Variants in MACF1 observed in about 807,000 individuals in gnomAD.
The protein encoded by MACF1 is microtubule-actin cross-linking factor 1.
Under a neutral mutation model 854.8 loss-of-function variants are expected in MACF1, and 193 were observed. The observed-to-expected ratio is 0.23, with a 90% CI of 0.20 to 0.25. MACF1 has a LOEUF of 0.25. Among genes scored for constraint, MACF1 ranks in the 10% least tolerant of loss-of-function variants. The probability of loss-of-function intolerance (pLI) is 1.00; values close to 1 mark genes in which losing one functional copy is unlikely to be tolerated. For synonymous variants in MACF1, 3,185 were observed against 3,226.7 expected, an observed-to-expected ratio of 0.99 and a Z score of 0.44; for missense variants, 7,722 against 8,929.1, an observed-to-expected ratio of 0.86 and a Z score of 5.45.
chr1:39,310,232 T>C lies in MACF1; in HGVS notation c.2917-13T>C. The C allele has an allele frequency of 1.3e-6, 2 of 1,592,096 alleles. No individual in the cohort carries two copies. The highest frequency in any genetic ancestry group is 1.7e-6 in the Non-Finnish European group (2 of 1,171,200). On this transcript the variant is annotated splice_polypyrimidine_tract_variant and intron_variant, in intron 24 of 100. Coordinates refer to ENST00000564288, the MANE Select transcript of MACF1 (RefSeq NM_001394062.1). ...TTATTCTGTTGCAATTTCTTCTGGC[T>C]TTTTCTTTCTAGCTTCGATCCTCAG...
intron 58 of MACF1, among the ~76,000 whole-genome samples, chr1:39,404,110 G>A (rs910726047): frequency 1.9e-4 from 29 of 151,496 alleles, no homozygotes; most frequent in African/African-American, 7.0e-4. Flanking sequence ...CCTGGCAACA[G>A]AGTGAGACTC....
Position 39,385,674 on chromosome 1 carries a change from G to A in MACF1, c.14089G>A (p.Glu4697Lys). ...QYQELLQDLS[E>K]KVRAVGQRLS... Reference sequence around the variant, plus strand: ...CCAGGAACTGCTCCAGGACTTATCAGAGAAGGTGAGGGCAGTTGGACAACG... The same window carrying A: ...CCAGGAACTGCTCCAGGACTTATCAAAGAAGGTGAGGGCAGTTGGACAACG... Residue 4697 changes from glutamate (E) to lysine (K), a missense_variant, in exon 57 of 101, where the codon GAG becomes AAG. Around this residue, in one of 15 missense-constraint regions of MACF1, gnomAD observed 2,807 missense variants for 3,235.8 expected, o/e 0.87. Coordinates refer to ENST00000564288, the MANE Select transcript of MACF1 (RefSeq NM_001394062.1). 6.2e-7 allele frequency: 1 copy of A among 1,614,194 alleles called. No homozygotes were observed. The highest frequency in any genetic ancestry group is 1.3e-5 in the African/African-American group (1 of 75,050).
chr1:39,369,137 C>T (rs2148533907), intron 50 of MACF1, among the ~76,000 whole-genome samples: 1 of 151,904 alleles, frequency 6.6e-6, no homozygotes, highest in South Asian at 2.1e-4. Context: ...TATGCCCAGA[C>T]CCCCTGCTTG....
chr1:39,178,192 T>TTC (rs1553157168), intron 2 of MACF1, among the ~76,000 whole-genome samples: 1 of 151,460 alleles, frequency 6.6e-6, no homozygotes, highest in African/African-American at 2.4e-5. Flanking sequence ...TTTTTTTTTT[T>TTC]TTTTTGGTTA....
At chr1:39,398,707 G>A (rs897001672) in intron 58 of MACF1, among the ~76,000 whole-genome samples, 3 of 152,208 alleles carry the variant, frequency 2.0e-5, no homozygotes, top group African/African-American at 4.8e-5. Flanking sequence ...TGTTGCTTCC[G>A]GGAGTGACTT....
chr1:39,441,745 A>G (rs1330344799), intron 74 of MACF1, among the ~76,000 whole-genome samples: 1 of 152,186 alleles, frequency 6.6e-6, no homozygotes, highest in Non-Finnish European at 1.5e-5. Flanking sequence ...TATTTTGAAC[A>G]TTATCTTGAT....
Position 39,453,834 on chromosome 1 carries a change from G to C in MACF1, c.20870G>C (p.Arg6957Pro). 6.2e-7 allele frequency: 1 copy of C among 1,614,162 alleles called. No homozygotes were observed. The highest frequency in any genetic ancestry group is 8.5e-7 in the Non-Finnish European group (1 of 1,180,044). Residue 6957 changes from arginine (R) to proline (P), a missense_variant, in exon 88 of 101, where the codon CGA (arginine) becomes CCA (proline). Coordinates refer to ENST00000564288, the MANE Select transcript of MACF1 (RefSeq NM_001394062.1). ...ATCAAACACTGGATCACCATCATCC[G>C]AGCTCGCTTCGAGGAGGTGAGTCCC... Reference protein sequence around the residue: ...TTIKHWITIIRARFEEVLTWA... With the variant: ...TTIKHWITIIPARFEEVLTWA...
intron 58 of MACF1, among the ~76,000 whole-genome samples, chr1:39,416,544 C>T: frequency 6.6e-6 from 1 of 151,076 alleles, no homozygotes; most frequent in East Asian, 1.9e-4. Flanking sequence ...TAGCAGTAAT[C>T]ATGAAATATA....
At chr1:39,440,101 CT>C (rs1557655897) in intron 72 of MACF1, among the ~76,000 whole-genome samples, 1 of 82,664 alleles carries the variant, frequency 1.2e-5, no homozygotes, top group Non-Finnish European at 2.6e-5. Flanking sequence ...CTTTTCTTTT[CT>C]TTTCTTTTCT....
chr1:39,313,874 CA>C (rs1646353057), intron 26 of MACF1, among the ~76,000 whole-genome samples: 1 of 152,018 alleles, frequency 6.6e-6, no homozygotes, highest in Non-Finnish European at 1.5e-5. Context: ...CTCAGCCTCC[CA>C]AAAGTGCTGG....
intron 2 of MACF1, among the ~76,000 whole-genome samples, chr1:39,092,315 C>T (rs1454104393): frequency 6.6e-6 from 1 of 152,184 alleles, no homozygotes; most frequent in Non-Finnish European, 1.5e-5. Context: ...AGTTTAGGAG[C>T]ACCTTAGAGC....
intron 38 of MACF1, among the ~76,000 whole-genome samples, chr1:39,339,377 C>G (rs1646887724): frequency 6.6e-6 from 1 of 152,186 alleles, no homozygotes; most frequent in African/African-American, 2.4e-5. Flanking sequence ...CCTGGAAACA[C>G]TCGTCTCACA....
At chr1:39,255,097 A>T (rs1571226386) in intron 5 of MACF1, among the ~76,000 whole-genome samples, 2 of 151,994 alleles carry the variant, frequency 1.3e-5, no homozygotes, top group South Asian at 4.2e-4. Context: ...CAGGTAAATG[A>T]CCTGCCTCAA....
chr1:39,104,770 C>T (rs920795258), intron 2 of MACF1, among the ~76,000 whole-genome samples: 2 of 152,304 alleles, frequency 1.3e-5, no homozygotes, highest in African/African-American at 4.8e-5. Flanking sequence ...CTGGAAAACC[C>T]TTTGTTCCCG....
intron 58 of MACF1, among the ~76,000 whole-genome samples, chr1:39,391,388 A>G (rs1164302843): frequency 6.6e-6 from 1 of 152,110 alleles, no homozygotes; most frequent in Non-Finnish European, 1.5e-5. Flanking sequence ...CCTCTATAGT[A>G]TTATACTGGT....
intron 3 of MACF1, among the ~76,000 whole-genome samples, 194 bp from the exon 4 acceptor site, chr1:39,251,652 G>A (rs936702742): frequency 7.2e-5 from 11 of 152,196 alleles, no homozygotes; most frequent in Admixed American, 3.3e-4. Context: ...TTGAAGATGT[G>A]TTTCATCATA....
intron 61 of MACF1, among the ~76,000 whole-genome samples, chr1:39,424,853 A>G (rs1040046054): frequency 4.6e-5 from 7 of 152,222 alleles, no homozygotes; most frequent in East Asian, 1.9e-4. Flanking sequence ...TGAGAAATCA[A>G]TAAGAGAGCT....
At chr1:39,158,960 G>C (rs1221441486) in intron 2 of MACF1, among the ~76,000 whole-genome samples, 3 of 152,170 alleles carry the variant, frequency 2.0e-5, no homozygotes, top group Non-Finnish European at 2.9e-5. Context: ...CAACTCAACT[G>C]GGCCGGGCAT....
chr1:39,445,697 C>A (rs12565894), intron 80 of MACF1, among the ~76,000 whole-genome samples: 1 of 152,198 alleles, frequency 6.6e-6, no homozygotes, highest in African/African-American at 2.4e-5. Flanking sequence ...TGGTGGCTCA[C>A]GCCTGTAATT....
Sources: allele counts gnomAD v4.1 joint callset (sites outside exome capture counted in the v4.1 genomes callset), GRCh38; gene constraint gnomAD v4.1.1; regional missense constraint gnomAD v4.1.1; transcripts MANE v1.5; gene names NCBI Gene and HGNC (gene_info 2026-07-23, HGNC 2026-07-21).